The following MIR2052HG variants were observed in gnomAD, a reference collection of about 807,000 sequenced individuals.
MIR2052HG encodes the protein MIR2052 host gene.
intron 2 of MIR2052HG, among the ~76,000 whole-genome samples, chr8:74,633,646 G>A (rs751913934): frequency 6.6e-6 from 1 of 152,138 alleles, no homozygotes; most frequent in African/African-American, 2.4e-5. Flanking sequence ...TACTAGTTCT[G>A]TTACATCTGT....
chr8:74,611,749 T>C (rs1318726005), intron 1 of MIR2052HG, among the ~76,000 whole-genome samples: 1 of 152,236 alleles, frequency 6.6e-6, no homozygotes, highest in African/African-American at 2.4e-5. Flanking sequence ...CTCAGCTTTA[T>C]GGCTCCTCAT....
At chr8:74,680,261 A>G (rs1037197423) in intron 2 of MIR2052HG, among the ~76,000 whole-genome samples, 1 of 152,228 alleles carries the variant, frequency 6.6e-6, no homozygotes, top group Non-Finnish European at 1.5e-5. Context: ...AGACAGTTAT[A>G]AACTTTTAAG....
rs559398022 is a variant in MIR2052HG at position 74,708,340 on chromosome 8, C to T, written n.371+4658C>T. 9.4e-4 allele frequency among the ~76,000 whole-genome samples: 143 copies of T among 152,070 alleles called. 1 individual carries two copies. Among genetic ancestry groups the T allele is most frequent in the Non-Finnish European group, 1.4e-3 (97 of 67,984 alleles). On this transcript the variant is annotated intron_variant and non_coding_transcript_variant, in intron 4 of 6. Coordinates refer to ENST00000523442, the Ensembl canonical transcript of MIR2052HG. Reference sequence around the variant, plus strand: ...TTCCAAACACAGTTCCTAGAAATAGCGGGGCATTCCAGTCCAACAGATGCA... The same window carrying T: ...TTCCAAACACAGTTCCTAGAAATAGTGGGGCATTCCAGTCCAACAGATGCA...
At chr8:74,704,503 A>G (rs1263113960) in intron 4 of MIR2052HG, among the ~76,000 whole-genome samples, 4 of 151,946 alleles carry the variant, frequency 2.6e-5, no homozygotes, top group Admixed American at 2.6e-4. Flanking sequence ...TTTCATATAG[A>G]CTTCCATTCC....
Position 74,669,469 on chromosome 8 carries a change from G to T in MIR2052HG, n.217-32910G>T, listed in dbSNP as rs183095850. On this transcript the variant is annotated intron_variant and non_coding_transcript_variant, in intron 2 of 6. Transcript: ENST00000523442. The stretch of plus-strand genomic sequence containing the variant: ...GTATGCTTAGATATGTCTTCCACTG[G>T]CAGACAGAGAGATCTTATCTAAGAC... Among the ~76,000 whole-genome samples the T allele has an allele frequency of 8.0e-3, 1,219 of 152,240 alleles. 7 individuals are homozygous for T. Among genetic ancestry groups the T allele is most frequent in the Non-Finnish European group, 0.012 (843 of 68,024 alleles).
chr8:74,736,129 G>T (rs923030284), intron 4 of MIR2052HG, among the ~76,000 whole-genome samples: 1 of 152,124 alleles, frequency 6.6e-6, no homozygotes, highest in African/African-American at 2.4e-5. Context: ...AAAGTTTCTT[G>T]ATCTGTGAAA....
At chr8:74,622,465 G>A (rs1198916165) in intron 2 of MIR2052HG, among the ~76,000 whole-genome samples, 1 of 152,078 alleles carries the variant, frequency 6.6e-6, no homozygotes, top group Non-Finnish European at 1.5e-5. Flanking sequence ...TTAGCTGAGT[G>A]TGGTGGCATG....
At position 74,665,757 on chromosome 8, in the gene MIR2052HG, T is replaced by C. The variant is rs142688649; in HGVS notation, n.217-36622T>C. ...TGGCTGTGTCCCCACTCAAATCTCA[T>C]TTTGAATTGTAGCTCCCATAATTCT... On this transcript the variant is annotated intron_variant and non_coding_transcript_variant, in intron 2 of 6. Coordinates refer to ENST00000523442, the Ensembl canonical transcript of MIR2052HG. Among the ~76,000 whole-genome samples, 202 of 152,288 alleles carry C rather than the reference T, an allele frequency of 1.3e-3. 3 individuals are homozygous for C. In the East Asian group the frequency reaches 0.033, roughly 25 times the overall value.
chr8:74,637,482 C>T (rs1275553716), intron 2 of MIR2052HG, among the ~76,000 whole-genome samples: 1 of 152,102 alleles, frequency 6.6e-6, no homozygotes, highest in African/African-American at 2.4e-5. Context: ...TGCTTGCTCA[C>T]AAATCAGTTT....
intron 4 of MIR2052HG, among the ~76,000 whole-genome samples, chr8:74,740,926 C>G (rs1202406452): frequency 2.0e-5 from 3 of 152,192 alleles, no homozygotes; most frequent in African/African-American, 7.2e-5. Flanking sequence ...ATCTGCATTA[C>G]AGAACGTTCT....
chr8:74,683,858 G>A (rs1163755416), intron 2 of MIR2052HG, among the ~76,000 whole-genome samples: 2 of 151,998 alleles, frequency 1.3e-5, no homozygotes, highest in African/African-American at 4.8e-5. Context: ...GGTGGCCCTT[G>A]TTTTATTTTG....
rs145608626 is a variant in MIR2052HG, at chr8:74,631,137, A to G, written n.216+18197A>G. On this transcript the variant is annotated intron_variant and non_coding_transcript_variant, in intron 2 of 6. Coordinates refer to ENST00000523442, the Ensembl canonical transcript of MIR2052HG. Reference sequence around the variant, plus strand: ...ATAGAGCAATTATCATGTAAGGTATACTGCTCAGAGTCTATGCCCACCTCA... The same window carrying G: ...ATAGAGCAATTATCATGTAAGGTATGCTGCTCAGAGTCTATGCCCACCTCA... Among the ~76,000 whole-genome samples the G allele has an allele frequency of 2.5e-3, 374 of 152,316 alleles. 2 individuals carry two copies. The highest frequency in any genetic ancestry group is 4.1e-3 in the Admixed American group (62 of 15,284).
chr8:74,685,354 C>T (rs1809169474), intron 2 of MIR2052HG, among the ~76,000 whole-genome samples: 1 of 152,102 alleles, frequency 6.6e-6, no homozygotes, highest in South Asian at 2.1e-4. Flanking sequence ...CCATTTGCCA[C>T]ACTGCTACAT....
At chr8:74,737,713 T>A (rs1809782213) in intron 4 of MIR2052HG, among the ~76,000 whole-genome samples, 2 of 152,180 alleles carry the variant, frequency 1.3e-5, no homozygotes. Context: ...CTGCTCAGAT[T>A]TTGTGCTCAC....
At chr8:74,683,406 T>C (rs1031106341) in intron 2 of MIR2052HG, among the ~76,000 whole-genome samples, 5 of 152,076 alleles carry the variant, frequency 3.3e-5, no homozygotes, top group African/African-American at 1.2e-4. Context: ...ACACAAGCTG[T>C]AAACTATATA....
At position 74,602,822 on chromosome 8, in the gene MIR2052HG, T is replaced by TTTCTTTCTTTCTTTCC. The variant is rs1321097431; in HGVS notation, n.128+2929_128+2930insCTTCTTTCTTTCTTTC. On this transcript the variant is annotated intron_variant and non_coding_transcript_variant, in intron 1 of 6. Transcript: ENST00000523442. ...GAGCTGCCATGCCCGGCCGTGTTTC[T>TTTCTTTCTTTCTTTCC]TTCTTTCTTTCTTTCTTTCTTTCTT... 3.8e-4 allele frequency among the ~76,000 whole-genome samples: 45 copies of TTTCTTTCTTTCTTTCC among 118,388 alleles called. 1 individual carries two copies. Among genetic ancestry groups the TTTCTTTCTTTCTTTCC allele is most frequent in the South Asian group, 1.1e-3 (4 of 3,572 alleles). The allele number at this position is 118,388 out of a possible 152,430, so 77.7% of individuals were successfully genotyped here.
chr8:74,719,099 C>T (rs1157312548), intron 4 of MIR2052HG, among the ~76,000 whole-genome samples: 12 of 146,712 alleles, frequency 8.2e-5, no homozygotes, highest in Non-Finnish European at 1.5e-4. Flanking sequence ...TTTCTGTGCA[C>T]GTAGAAAATA....
At chr8:74,623,223 A>T (rs1025638019) in intron 2 of MIR2052HG, among the ~76,000 whole-genome samples, 1 of 152,220 alleles carries the variant, frequency 6.6e-6, no homozygotes, top group Non-Finnish European at 1.5e-5. Context: ...CAATATATAC[A>T]TACATTAAAA....
chr8:74,722,204 G>A (rs763735510), intron 4 of MIR2052HG, among the ~76,000 whole-genome samples: 3 of 152,042 alleles, frequency 2.0e-5, no homozygotes, highest in Non-Finnish European at 2.9e-5. Context: ...AAAAAATCAA[G>A]GCTCTATGTT....
Sources: gnomAD v4.1 joint callset for allele counts (sites outside exome capture counted in the v4.1 genomes callset) on GRCh38, gnomAD v4.1.1 for gene constraint, MANE v1.5 for transcripts, NCBI Gene and HGNC (gene_info 2026-07-23, HGNC 2026-07-21) for gene names.